TNFSF10: variants seen among roughly 807,000 people sequenced by gnomAD.
The protein encoded by TNFSF10 is TNF superfamily member 10, also known as tumor necrosis factor ligand superfamily member 10.
TNFSF10 carries 13 observed loss-of-function variants against 29.5 expected under a neutral mutation model. The observed-to-expected ratio is 0.44, with a 90% CI of 0.29 to 0.70. The LOEUF (loss-of-function observed/expected upper bound fraction) is 0.70. TNFSF10 is among the 30% of genes least tolerant of loss of function. The pLI, the probability that TNFSF10 is intolerant of heterozygous loss-of-function variation, is 0.13. For synonymous variants in TNFSF10, 111 were observed against 112.8 expected, an observed-to-expected ratio of 0.98 and a Z score of 0.10; for missense variants, 345 against 330.9, an observed-to-expected ratio of 1.04 and a Z score of -0.33.
chr3:172,506,591 C>G lies in TNFSF10; in HGVS notation c.747G>C (p.Glu249Asp). Residue 249 changes from glutamate (E) to aspartate (D), a missense_variant, in exon 5 of 5, where the codon GAG becomes GAC. Physicochemically the swap from Glu to Asp is conservative, Grantham distance 45. Coordinates refer to ENST00000241261, the MANE Select transcript of TNFSF10 (RefSeq NM_003810.4). ...LYSIYQGGIF[E>D]LKENDRIFVS... ...CAAAAATTCTGTCATTTTCCTTAAG[C>G]TCAAATATTCCCCCTTGATAGATGG... 1 of 1,614,122 alleles carries G rather than the reference C, an allele frequency of 6.2e-7. No homozygotes were observed. Among genetic ancestry groups the G allele is most frequent in the Non-Finnish European group, 8.5e-7 (1 of 1,180,008 alleles).
intron 1 of TNFSF10, among the ~76,000 whole-genome samples, chr3:172,516,571 A>G (rs747962237): frequency 2.6e-5 from 4 of 152,216 alleles, no homozygotes; most frequent in Non-Finnish European, 5.9e-5. Context: ...ACACCCTGAC[A>G]TAGATCATTC....
At chr3:172,517,759 A>G in intron 1 of TNFSF10, 11 of 984,192 alleles carry the variant, frequency 1.1e-5, no homozygotes, top group Non-Finnish European at 1.3e-5. Flanking sequence ...TATTTTTATA[A>G]CATTCCCTGT....
rs373320325 is a variant in TNFSF10, at chr3:172,523,268, G to C, written c.117C>G (p.Thr39=). The C allele has an allele frequency of 2.2e-5, 35 of 1,613,612 alleles. No individual in the cohort carries two copies. Among genetic ancestry groups the C allele is most frequent in the Middle Eastern group, 1.6e-4 (1 of 6,080 alleles). ...LCVAVTYVYF[T]NELKQMQDKY... ...CTGCACTGACCTGCTTCAGCTCGTT[G>C]GTAAAGTACACGTAAGTTACAGCCA... Residue 39 remains threonine, a synonymous_variant, in exon 1 of 5, where the codon ACC becomes ACG. Coordinates refer to ENST00000241261, the MANE Select transcript of TNFSF10 (RefSeq NM_003810.4).
chr3:172,511,596 TAAC>T lies in TNFSF10; in HGVS notation c.313+18_313+20del, dbSNP rs149917991. 545 of 1,594,938 alleles carry T rather than the reference TAAC, an allele frequency of 3.4e-4. 2 individuals carry two copies. In the East Asian group the frequency reaches 0.012, roughly 34 times the overall value. On this transcript the variant is annotated intron_variant, in intron 3 of 4. Transcript: ENST00000241261. ...TGAAGATGACAGTAAAAAATTAAAA[TAAC>T]AACAAAAAAGATACTACCTTGAACT... is the stretch of plus-strand genomic sequence containing the variant.
chr3:172,510,401 G>A (rs1340832780), intron 3 of TNFSF10, among the ~76,000 whole-genome samples: 4 of 152,114 alleles, frequency 2.6e-5, no homozygotes, highest in African/African-American at 4.8e-5. Context: ...GCTGCAGTGA[G>A]CCATGATCGT....
At chr3:172,519,194 G>C (rs781219549) in intron 1 of TNFSF10, among the ~76,000 whole-genome samples, 1 of 152,184 alleles carries the variant, frequency 6.6e-6, no homozygotes, top group Non-Finnish European at 1.5e-5. Context: ...TAGCTTTCTA[G>C]CACTCTCAAT....
At chr3:172,516,478 T>A (rs1713443111) in intron 1 of TNFSF10, among the ~76,000 whole-genome samples, 1 of 152,228 alleles carries the variant, frequency 6.6e-6, no homozygotes, top group Admixed American at 6.5e-5. Flanking sequence ...CACAGTTCTG[T>A]ACTCAGCCAT....
chr3:172,507,645 T>C (rs1419628412), intron 4 of TNFSF10, among the ~76,000 whole-genome samples: 1 of 152,186 alleles, frequency 6.6e-6, no homozygotes, highest in Non-Finnish European at 1.5e-5. Flanking sequence ...GTTATATTTA[T>C]TGATGAGTAG....
chr3:172,521,625 T>C (rs1713701282), intron 1 of TNFSF10, among the ~76,000 whole-genome samples: 1 of 152,204 alleles, frequency 6.6e-6, no homozygotes, highest in Admixed American at 6.5e-5. Flanking sequence ...GTTCAACCAG[T>C]GTGGAAGACA....
intron 1 of TNFSF10, among the ~76,000 whole-genome samples, chr3:172,516,181 G>A (rs1169338244): frequency 6.6e-6 from 1 of 151,514 alleles, no homozygotes; most frequent in Non-Finnish European, 1.5e-5. Context: ...GGATAATGGT[G>A]TGAACCCGGG....
intron 4 of TNFSF10, among the ~76,000 whole-genome samples, chr3:172,508,256 T>C (rs757851827): frequency 1.3e-5 from 2 of 150,966 alleles, no homozygotes; most frequent in Non-Finnish European, 2.9e-5. Context: ...GATGGCACCA[T>C]TGCACTCCAG....
rs141486441 is a variant in TNFSF10 at position 172,506,725 on chromosome 3, G to T, written c.613C>A (p.Gln205Lys). The T allele has an allele frequency of 6.2e-7, 1 of 1,614,150 alleles. No individual in the cohort carries two copies. The highest frequency in any genetic ancestry group is 2.2e-5 in the East Asian group (1 of 44,888). ...EIKENTKNDK[Q>K]MVQYIYKYTS... Reference sequence around the variant, plus strand: ...TATTTGTAAATATATTGGACCATTTGTTTGTCGTTCTTTGTGTTTTCTTTT... The same window carrying T: ...TATTTGTAAATATATTGGACCATTTTTTTGTCGTTCTTTGTGTTTTCTTTT... The change falls in exon 5 of 5, where the codon CAA becomes AAA. Residue 205 changes from glutamine (Q) to lysine (K), a missense_variant. Coordinates refer to ENST00000241261, the MANE Select transcript of TNFSF10 (RefSeq NM_003810.4).
chr3:172,523,173 G>A (rs749009392), intron 1 of TNFSF10, 80 bp downstream of exon 1: 2 of 1,472,978 alleles, frequency 1.4e-6, no homozygotes, highest in South Asian at 1.4e-5. Flanking sequence ...TTCAGAGAGG[G>A]GCAAGCTGAC....
At chr3:172,515,911 C>T (rs1384714526) in intron 1 of TNFSF10, among the ~76,000 whole-genome samples, 4 of 152,158 alleles carry the variant, frequency 2.6e-5, no homozygotes. Flanking sequence ...CATTTCTTCT[C>T]TTCCGTTTTG....
At chr3:172,509,992 A>G (rs1374060931) in intron 3 of TNFSF10, among the ~76,000 whole-genome samples, 1 of 151,508 alleles carries the variant, frequency 6.6e-6, no homozygotes, top group East Asian at 2.0e-4. Flanking sequence ...AAAAAAAAAA[A>G]AAAAGAAATG....
chr3:172,515,873 TTTTGTTTG>T (rs369549308), intron 1 of TNFSF10, among the ~76,000 whole-genome samples: 1 of 151,636 alleles, frequency 6.6e-6, no homozygotes, highest in African/African-American at 2.4e-5. Flanking sequence ...GCCAGAAGGG[TTTTGTTTG>T]TTTGTTTGTT....
intron 1 of TNFSF10, among the ~76,000 whole-genome samples, chr3:172,516,132 C>T (rs1255996233): frequency 2.0e-5 from 3 of 151,976 alleles, no homozygotes; most frequent in Non-Finnish European, 2.9e-5. Context: ...GGCGTGGTGG[C>T]GGGCGCCTGT....
intron 1 of TNFSF10, chr3:172,517,585 A>G (rs1713488330): frequency 1.0e-6 from 1 of 985,388 alleles, no homozygotes. Flanking sequence ...AATAGCAGCT[A>G]TATTCTCACC....
chr3:172,512,675 T>A (rs1405521363), intron 2 of TNFSF10, among the ~76,000 whole-genome samples: 1 of 152,198 alleles, frequency 6.6e-6, no homozygotes, highest in Non-Finnish European at 1.5e-5. Context: ...CTGCCTCTCA[T>A]TTCTCTCTGT....
Sources: allele counts gnomAD v4.1 joint callset (sites outside exome capture counted in the v4.1 genomes callset), GRCh38; gene constraint gnomAD v4.1.1; transcripts MANE v1.5; gene names NCBI Gene and HGNC (gene_info 2026-07-23, HGNC 2026-07-21).